The following TMEM117 variants were observed in gnomAD, a reference collection of about 807,000 sequenced individuals.
TMEM117 encodes transmembrane protein 117.
A neutral mutation model predicts 52.4 loss-of-function variants in TMEM117; 27 were observed. The observed-to-expected ratio is 0.51, with a 90% CI of 0.38 to 0.71. The LOEUF is 0.71. Among genes scored for constraint, TMEM117 ranks in the 30% least tolerant of loss-of-function variants. TMEM117 has a pLI of 0.00. For missense variants in TMEM117, 556 were observed against 630.5 expected (o/e 0.88, Z 1.26); for synonymous variants, 215 against 206.3 (o/e 1.04, Z -0.36).
chr12:44,123,244 G>GATT (rs1948267074), intron 3 of TMEM117, among the ~76,000 whole-genome samples: 1 of 147,362 alleles, frequency 6.8e-6, no homozygotes, highest in African/African-American at 2.5e-5. Flanking sequence ...TTTTAATGGG[G>GATT]TTTTTTTTTT....
chr12:44,028,454 A>G (rs1353985445), intron 3 of TMEM117, among the ~76,000 whole-genome samples: 2 of 152,210 alleles, frequency 1.3e-5, no homozygotes, highest in African/African-American at 4.8e-5. Context: ...CGATGAGATC[A>G]AAGGTCAGCA....
At chr12:43,995,220 G>A (rs768942231) in intron 3 of TMEM117, among the ~76,000 whole-genome samples, 1 of 151,242 alleles carries the variant, frequency 6.6e-6, no homozygotes, top group South Asian at 2.1e-4. Flanking sequence ...GCAGTGAGCC[G>A]AGATTGCACC....
At chr12:44,049,934 GTTTTA>G in intron 3 of TMEM117, among the ~76,000 whole-genome samples, 1 of 152,252 alleles carries the variant, frequency 6.6e-6, no homozygotes, top group East Asian at 1.9e-4. Context: ...GAGTAATAAA[GTTTTA>G]TTTTATTTGA....
chr12:43,955,246 C>T (rs1367024016), intron 3 of TMEM117, among the ~76,000 whole-genome samples: 1 of 152,096 alleles, frequency 6.6e-6, no homozygotes, highest in Non-Finnish European at 1.5e-5. Flanking sequence ...ACAAGGATGC[C>T]CTGTCTCACT....
At chr12:43,882,088 C>G (rs1222557603) in intron 2 of TMEM117, among the ~76,000 whole-genome samples, 2 of 151,480 alleles carry the variant, frequency 1.3e-5, no homozygotes, top group African/African-American at 4.9e-5. Context: ...AACAAACAAA[C>G]TAAAAAACAA....
chr12:44,188,469 TG>T (rs899652268), intron 4 of TMEM117, among the ~76,000 whole-genome samples: 2 of 152,168 alleles, frequency 1.3e-5, no homozygotes, highest in African/African-American at 4.8e-5. Flanking sequence ...ATGCCATTCC[TG>T]GGGGCCAGAG....
intron 3 of TMEM117, among the ~76,000 whole-genome samples, chr12:44,023,104 T>G (rs1210592375): frequency 6.6e-6 from 1 of 152,220 alleles, no homozygotes; most frequent in African/African-American, 2.4e-5. Flanking sequence ...TAAAATCCAG[T>G]GGGAATGATG....
intron 6 of TMEM117, among the ~76,000 whole-genome samples, chr12:44,336,765 A>T (rs985125879): frequency 2.0e-5 from 3 of 151,894 alleles, no homozygotes; most frequent in African/African-American, 7.2e-5. Flanking sequence ...TAGAGCAAGC[A>T]CTTTATAAAT....
chr12:43,848,350 A>G (rs1407635893), intron 2 of TMEM117, among the ~76,000 whole-genome samples: 1 of 152,150 alleles, frequency 6.6e-6, no homozygotes, highest in Non-Finnish European at 1.5e-5. Flanking sequence ...GGCTTATCTC[A>G]GTCCTTATCT....
intron 5 of TMEM117, among the ~76,000 whole-genome samples, chr12:44,286,786 T>G (rs1347221702): frequency 6.6e-6 from 1 of 152,228 alleles, no homozygotes; most frequent in Non-Finnish European, 1.5e-5. Context: ...TTGAGTAGGC[T>G]CTAAAATGCA....
intron 6 of TMEM117, among the ~76,000 whole-genome samples, chr12:44,336,379 A>G (rs1401095413): frequency 1.3e-5 from 2 of 152,084 alleles, no homozygotes; most frequent in Non-Finnish European, 1.5e-5. Flanking sequence ...CAAAACCACT[A>G]TTATGCGTGT....
intron 3 of TMEM117, among the ~76,000 whole-genome samples, chr12:43,986,457 G>A (rs1380835108): frequency 6.6e-6 from 1 of 151,946 alleles, no homozygotes; most frequent in African/African-American, 2.4e-5. Flanking sequence ...TTGTCCTATG[G>A]CATCTATTAT....
At chr12:44,183,859 C>T (rs1451438637) in intron 4 of TMEM117, among the ~76,000 whole-genome samples, 1 of 152,108 alleles carries the variant, frequency 6.6e-6, no homozygotes, top group Non-Finnish European at 1.5e-5. Context: ...TGATTGACTA[C>T]TTCCCTCACA....
intron 4 of TMEM117, among the ~76,000 whole-genome samples, chr12:44,184,807 G>A (rs1949253979): frequency 6.6e-6 from 1 of 152,152 alleles, no homozygotes. Flanking sequence ...ACACAACTGT[G>A]AGCTAGAAAA....
chr12:43,860,999 A>C (rs570276296), intron 2 of TMEM117, among the ~76,000 whole-genome samples: 34 of 151,858 alleles, frequency 2.2e-4, no homozygotes, highest in African/African-American at 8.2e-4. Flanking sequence ...GGGGCTGTCC[A>C]CCTCACCTCC....
rs536986840 is a variant in TMEM117, at chr12:43,899,830, A to G, written c.278-44380A>G. On this transcript the variant is annotated intron_variant, in intron 2 of 7. Coordinates refer to ENST00000266534, the MANE Select transcript of TMEM117 (RefSeq NM_032256.3). ...TATTAGAAAGAAGATGAGCTTTGGA[A>G]GCAGACAGAGCTGGATTTGCCACTA... Among the ~76,000 whole-genome samples the G allele has an allele frequency of 5.6e-4, 85 of 151,312 alleles. No homozygotes were observed. In the South Asian group the frequency reaches 5.7e-3, roughly 10 times the overall value.
chr12:44,180,153 C>G (rs1323318829), intron 4 of TMEM117, among the ~76,000 whole-genome samples: 1 of 152,100 alleles, frequency 6.6e-6, no homozygotes, highest in Admixed American at 6.6e-5. Context: ...GCAGCCAGTT[C>G]CCAGTGTTAA....
At chr12:44,179,617 G>A (rs1412722600) in intron 4 of TMEM117, among the ~76,000 whole-genome samples, 2 of 152,170 alleles carry the variant, frequency 1.3e-5, no homozygotes, top group Non-Finnish European at 2.9e-5. Context: ...CAGCCAGTTG[G>A]ATGGTGCCCA....
chr12:44,120,602 C>T (rs1445970026), intron 3 of TMEM117, among the ~76,000 whole-genome samples: 1 of 152,172 alleles, frequency 6.6e-6, no homozygotes, highest in Non-Finnish European at 1.5e-5. Context: ...TAGACATTGT[C>T]TGATTTTATA....
Sources: allele counts gnomAD v4.1 joint callset (sites outside exome capture counted in the v4.1 genomes callset), GRCh38; gene constraint gnomAD v4.1.1; transcripts MANE v1.5; gene names NCBI Gene and HGNC (gene_info 2026-07-23, HGNC 2026-07-21).